The following ZNF549 variants were observed in gnomAD, a reference collection of about 807,000 sequenced individuals.
ZNF549 encodes zinc finger protein 549.
A neutral mutation model predicts 11.1 loss-of-function variants in ZNF549; 11 were observed. The ratio of observed to expected loss-of-function variants is 0.99; its 90% CI spans 0.62 to 1.64. The LOEUF is 1.64. Among genes scored for constraint, ZNF549 ranks in the 40% most tolerant of loss-of-function variants. ZNF549 has a pLI of 0.00. For synonymous variants in ZNF549, 266 were observed against 269.1 expected (o/e 0.99, Z 0.11); for missense variants, 748 against 765.1 (o/e 0.98, Z 0.26).
rs532074124 is a variant in ZNF549, at chr19:57,537,609, C to T, written c.605C>T (p.Thr202Ile). The T allele has an allele frequency of 3.0e-5, 48 of 1,614,198 alleles. No homozygotes were observed. In the South Asian group the frequency reaches 4.9e-4, roughly 17 times the overall value. The change falls in exon 4 of 4, where the codon ACC becomes ATC. Residue 202 changes from threonine (T) to isoleucine (I), a missense_variant. Transcript: ENST00000376233. ...ATCCTGGGCCTTCTCCAACACCAGA[C>T]CACCCACAGCAGACAAGAGTATGCA... Reference protein sequence around the residue: ...PTILGLLQHQTTHSRQEYAHR... With the variant: ...PTILGLLQHQITHSRQEYAHR...
At chr19:57,529,751 T>C (rs2089895672) in intron 1 of ZNF549, among the ~76,000 whole-genome samples, 1 of 151,976 alleles carries the variant, frequency 6.6e-6, no homozygotes, top group African/African-American at 2.4e-5. Flanking sequence ...CCAGGTGTGG[T>C]AGTGGGCGCC....
rs771237978 is a variant in ZNF549, at chr19:57,537,959, C to T, written c.955C>T (p.Leu319Phe). 1 of 1,613,474 alleles carries T rather than the reference C, an allele frequency of 6.2e-7. No homozygotes were observed. The highest frequency in any genetic ancestry group is 2.2e-5 in the East Asian group (1 of 44,844). The part of the protein sequence containing the change: ...CGKSLSSKYS[L>F]VEHQRTHNGE... ...GAAATCCTTGAGCTCCAAATACTCA[C>T]TTGTGGAACACCAGAGAACCCATAA... is the stretch of plus-strand genomic sequence containing the variant. Residue 319 changes from leucine (L) to phenylalanine (F), a missense_variant, in exon 4 of 4, where the codon CTT (leucine) becomes TTT (phenylalanine). Transcript: ENST00000376233.
Position 57,535,202 on chromosome 19 carries a change from T to C in ZNF549, c.131T>C (p.Leu44Pro). The change falls in exon 3 of 4, where the codon CTT (leucine) becomes CCT (proline). Residue 44 changes from leucine to proline, a missense_variant. Leu to Pro is a moderately conservative substitution (Grantham distance 98). Transcript: ENST00000376233. ...VYFSQEEWGL[L>P]DEAQRCLYHD... ...TTCTCCCAGGAGGAGTGGGGCCTCC[T>C]TGATGAAGCTCAAAGGTGCCTGTAT... is the stretch of plus-strand genomic sequence containing the variant. 2.5e-6 allele frequency: 4 copies of C among 1,614,136 alleles called. No individual in the cohort carries two copies. The South Asian group carries it at 4.4e-5, about 18-fold the overall frequency.
Position 57,532,046 on chromosome 19 carries a change from C to A in ZNF549, c.72+938C>A, listed in dbSNP as rs562843648. 1.9e-3 allele frequency among the ~76,000 whole-genome samples: 285 copies of A among 152,246 alleles called. 1 individual carries two copies. The highest frequency in any genetic ancestry group is 6.6e-3 in the African/African-American group (273 of 41,558). ...AGTTGTGTTTTCATTTCATTTAGTT[C>A]AAAATATTTTTAAATTTATCTTGAG... On this transcript the variant is annotated intron_variant, in intron 2 of 3. Coordinates refer to ENST00000376233, the MANE Select transcript of ZNF549 (RefSeq NM_001199295.2).
At chr19:57,528,409 C>G (rs2089888947) in intron 1 of ZNF549, among the ~76,000 whole-genome samples, 1 of 152,146 alleles carries the variant, frequency 6.6e-6, no homozygotes, top group Non-Finnish European at 1.5e-5. Context: ...TGGGAGGGGA[C>G]TGACTCAGTG....
Position 57,538,424 on chromosome 19 carries a change from G to T in ZNF549, c.1420G>T (p.Glu474Ter). 1 of 1,614,160 alleles carries T rather than the reference G, an allele frequency of 6.2e-7. No homozygotes were observed. The highest frequency in any genetic ancestry group is 8.5e-7 in the Non-Finnish European group (1 of 1,180,028). Residue 474 changes from glutamate (E) to a stop codon, truncating the protein, a stop_gained, in exon 4 of 4, where the codon GAA (glutamate) becomes TAA (stop). Coordinates refer to ENST00000376233, the MANE Select transcript of ZNF549 (RefSeq NM_001199295.2). LOFTEE classifies it low-confidence loss of function (END_TRUNC). ...AATTCACACTGGAGAAAGGGCTTAT[G>T]AATGCAGTGACTGTGGGAAAGCCTT... ...QRIHTGERAY[E>*]CSDCGKAFIS... is the part of the protein sequence containing the mutation.
At position 57,537,873 on chromosome 19, in the gene ZNF549, T is replaced by G; in HGVS notation, c.869T>G (p.Leu290Arg). 1 of 1,613,600 alleles carries G rather than the reference T, an allele frequency of 6.2e-7. No homozygotes were observed. The highest frequency in any genetic ancestry group is 8.5e-7 in the Non-Finnish European group (1 of 1,179,842). ...AAATCATTCCTCCATAAACAAACAC[T>G]CGTTGGGCACCAGCAGAGAATTCAC... ...CGKSFLHKQT[L>R]VGHQQRIHTR... The change falls in exon 4 of 4, where the codon CTC (leucine) becomes CGC (arginine). Residue 290 changes from leucine to arginine, a missense_variant. Leu to Arg is a moderately radical substitution (Grantham distance 102). Coordinates refer to ENST00000376233, the MANE Select transcript of ZNF549 (RefSeq NM_001199295.2).
chr19:57,536,431 C>G (rs2089924757), intron 3 of ZNF549, among the ~76,000 whole-genome samples: 2 of 152,128 alleles, frequency 1.3e-5, no homozygotes, highest in South Asian at 4.1e-4. Flanking sequence ...GTTCAAAATT[C>G]AAAGTATGGT....
chr19:57,535,215 A>T lies in ZNF549; in HGVS notation c.144A>T (p.Gln48His). ...AGTGGGGCCTCCTTGATGAAGCTCA[A>T]AGGTGCCTGTATCATGATGTGATGC... Reference protein sequence around the residue: ...QEEWGLLDEAQRCLYHDVMLE... With the variant: ...QEEWGLLDEAHRCLYHDVMLE... Residue 48 changes from glutamine (Q) to histidine (H), a missense_variant, in exon 3 of 4, where the codon CAA becomes CAT. Coordinates refer to ENST00000376233, the MANE Select transcript of ZNF549 (RefSeq NM_001199295.2). 6.2e-7 allele frequency: 1 copy of T among 1,614,070 alleles called. No individual in the cohort carries two copies. Among genetic ancestry groups the T allele is most frequent in the Non-Finnish European group, 8.5e-7 (1 of 1,179,964 alleles).
At position 57,527,565 on chromosome 19, in the gene ZNF549, T is replaced by C. The variant is rs78257981; in HGVS notation, c.-9T>C. 5.8e-3 allele frequency: 9,323 copies of C among 1,613,410 alleles called. 443 individuals carry two copies. In the African/African-American group the frequency reaches 0.1, roughly 18 times the overall value. ...CCGCCTTTCCAGGCCCCGCCCCGCC[T>C]AAAGTCCCATGGCCGAGGCAGCGCT... On this transcript the variant is annotated 5_prime_UTR_variant, in exon 1 of 4. Transcript: ENST00000376233.
Position 57,531,266 on chromosome 19 carries a change from G to A in ZNF549, c.72+158G>A, listed in dbSNP as rs541631838. On this transcript the variant is annotated intron_variant, in intron 2 of 3. Transcript: ENST00000376233. ...CCAGGATGATTAATCAGGGTCAGGA[G>A]TTATACAGAGATGTTCCCATTTCTG... is the stretch of plus-strand genomic sequence containing the variant. Among the ~76,000 whole-genome samples the A allele has an allele frequency of 2.0e-5, 3 of 152,314 alleles. No homozygotes were observed. The East Asian group carries it at 5.8e-4, about 29-fold the overall frequency.
rs1438832761 is a variant in ZNF549, at chr19:57,538,625, CAA to C, written c.1626_1627del (p.Arg543ThrfsTer3). The C allele has an allele frequency of 6.2e-7, 1 of 1,613,360 alleles. No homozygotes were observed. Among genetic ancestry groups the C allele is most frequent in the Non-Finnish European group, 8.5e-7 (1 of 1,179,874 alleles). On this transcript the variant is annotated frameshift_variant, in exon 4 of 4. Coordinates refer to ENST00000376233, the MANE Select transcript of ZNF549 (RefSeq NM_001199295.2). LOFTEE classifies it low-confidence loss of function (END_TRUNC). ...TGAATGTGGAAAAGTCTTCAGCCACCAAAAAAGACTTCTTGAGCACCAGAAAG... is the reference window on the plus strand; with the variant it reads ...TGAATGTGGAAAAGTCTTCAGCCACCAAAAGACTTCTTGAGCACCAGAAAG... The part of the protein sequence containing the change: ...CNECGKVFSH[Q>X]KRLLEHQKVH...
chr19:57,537,925 C>G lies in ZNF549; in HGVS notation c.921C>G (p.Ile307Met). The G allele has an allele frequency of 1.2e-6, 2 of 1,613,228 alleles. No individual in the cohort carries two copies. The highest frequency in any genetic ancestry group is 1.7e-6 in the Non-Finnish European group (2 of 1,179,796). Residue 307 changes from isoleucine (I) to methionine (M), a missense_variant, in exon 4 of 4, where the codon ATC becomes ATG. Coordinates refer to ENST00000376233, the MANE Select transcript of ZNF549 (RefSeq NM_001199295.2). Reference sequence around the variant, plus strand: ...CTAGAGAAAGGTCTTATGTGTGCATCGAATGTGGGAAATCCTTGAGCTCCA... The same window carrying G: ...CTAGAGAAAGGTCTTATGTGTGCATGGAATGTGGGAAATCCTTGAGCTCCA... ...IHTRERSYVC[I>M]ECGKSLSSKY...
At position 57,537,676 on chromosome 19, in the gene ZNF549, T is replaced by G; in HGVS notation, c.672T>G (p.Cys224Trp). 1 of 1,614,140 alleles carries G rather than the reference T, an allele frequency of 6.2e-7. No individual in the cohort carries two copies. The highest frequency in any genetic ancestry group is 8.5e-7 in the Non-Finnish European group (1 of 1,180,032). ...CCTTTCAACAAAGACGTTACAAATG[T>G]GAGCAAGTTTTCAATGAGAAAGTTC... ...RETFQQRRYK[C>W]EQVFNEKVHV... The change falls in exon 4 of 4, where the codon TGT becomes TGG. Residue 224 changes from cysteine (C) to tryptophan (W), a missense_variant. Physicochemically the swap from Cys to Trp is radical, Grantham distance 215 (BLOSUM62 -2). Coordinates refer to ENST00000376233, the MANE Select transcript of ZNF549 (RefSeq NM_001199295.2).
At chr19:57,535,639 T>G (rs1050026049) in intron 3 of ZNF549, among the ~76,000 whole-genome samples, 1 of 152,192 alleles carries the variant, frequency 6.6e-6, no homozygotes, top group African/African-American at 2.4e-5. Flanking sequence ...TTACAGGTAC[T>G]TACATGGTTG....
chr19:57,528,258 T>C (rs528719148), intron 1 of ZNF549, among the ~76,000 whole-genome samples: 1 of 152,296 alleles, frequency 6.6e-6, no homozygotes, highest in South Asian at 2.1e-4. Flanking sequence ...TACCTGAACA[T>C]CTGGAAGAGT....
rs1273926822 is a variant in ZNF549, at chr19:57,537,438, C to T, written c.434C>T (p.Ser145Phe). The change falls in exon 4 of 4, where the codon TCT (serine) becomes TTT (phenylalanine). Residue 145 changes from serine (S) to phenylalanine (F), a missense_variant. Physicochemically the swap from Ser to Phe is radical, Grantham distance 155. Coordinates refer to ENST00000376233, the MANE Select transcript of ZNF549 (RefSeq NM_001199295.2). ...VASGKWFSFG[S>F]NLQQHQNQDS... Reference sequence around the variant, plus strand: ...AGTGGGAAATGGTTTTCATTTGGTTCTAACCTGCAACAGCACCAGAACCAG... The same window carrying T: ...AGTGGGAAATGGTTTTCATTTGGTTTTAACCTGCAACAGCACCAGAACCAG... The T allele has an allele frequency of 1.2e-6, 2 of 1,614,072 alleles. No homozygotes were observed. The highest frequency in any genetic ancestry group is 2.7e-5 in the African/African-American group (2 of 74,922).
chr19:57,538,323 C>T lies in ZNF549; in HGVS notation c.1319C>T (p.Thr440Ile), dbSNP rs147215864. 6.2e-7 allele frequency: 1 copy of T among 1,613,122 alleles called. No homozygotes were observed. The highest frequency in any genetic ancestry group is 1.1e-5 in the South Asian group (1 of 91,030). Residue 440 changes from threonine (T) to isoleucine (I), a missense_variant, in exon 4 of 4, where the codon ACT becomes ATT. Coordinates refer to ENST00000376233, the MANE Select transcript of ZNF549 (RefSeq NM_001199295.2). ...KRLLEHQRIH[T>I]GEKPYVCIIC... ...CTTCTTGAGCACCAGAGAATTCATA[C>T]TGGAGAAAAGCCTTATGTGTGCATC...
intron 3 of ZNF549, among the ~76,000 whole-genome samples, chr19:57,535,962 C>A (rs1048150126): frequency 2.0e-5 from 3 of 152,088 alleles, no homozygotes; most frequent in African/African-American, 7.2e-5. Flanking sequence ...GGGCTGAACT[C>A]AAATCATACC....
Sources: gnomAD v4.1 joint callset for allele counts (sites outside exome capture counted in the v4.1 genomes callset) on GRCh38, gnomAD v4.1.1 for gene constraint, MANE v1.5 for transcripts, NCBI Gene and HGNC (gene_info 2026-07-23, HGNC 2026-07-21) for gene names.